The following RBFOX1 variants were observed in gnomAD, a reference collection of about 807,000 sequenced individuals.
RBFOX1 encodes RNA binding protein fox-1 homolog 1.
A neutral mutation model predicts 57.7 loss-of-function variants in RBFOX1; 8 were observed. The ratio of observed to expected loss-of-function variants is 0.14; its 90% CI spans 0.08 to 0.25. The LOEUF (loss-of-function observed/expected upper bound fraction) is 0.25, where lower values mean the gene tolerates loss of function less well. Among genes scored for constraint, RBFOX1 ranks in the 10% least tolerant of loss-of-function variants. The probability of loss-of-function intolerance (pLI) is 1.00; values close to 1 mark genes in which losing one functional copy is unlikely to be tolerated. For missense variants in RBFOX1, 611 were observed against 548.5 expected, an observed-to-expected ratio of 1.11 and a Z score of -1.14; for synonymous variants, 326 against 222.4, an observed-to-expected ratio of 1.47 and a Z score of -4.15.
intron 3 of RBFOX1, among the ~76,000 whole-genome samples, chr16:6,674,815 C>T (rs1053386877): frequency 2.0e-5 from 3 of 152,260 alleles, no homozygotes; most frequent in African/African-American, 7.2e-5. Context: ...GAAAACAAGA[C>T]CCTATTAGGA....
intron 2 of RBFOX1, among the ~76,000 whole-genome samples, chr16:6,460,803 T>G (rs2094899783): frequency 7.1e-6 from 1 of 140,130 alleles, no homozygotes; most frequent in African/African-American, 2.7e-5. Context: ...ACGTATATGT[T>G]AATAGAAGCA....
At chr16:5,679,439 A>G (rs2050263321) in intron 3 of RBFOX1, among the ~76,000 whole-genome samples, 1 of 151,898 alleles carries the variant, frequency 6.6e-6, no homozygotes, top group African/African-American at 2.4e-5. Flanking sequence ...GCACCTATCA[A>G]CCCATCATCT....
intron 4 of RBFOX1, among the ~76,000 whole-genome samples, chr16:7,344,963 G>C (rs2096966811): frequency 6.6e-6 from 1 of 152,206 alleles, no homozygotes; most frequent in African/African-American, 2.4e-5. Flanking sequence ...ACAGCGGGCT[G>C]TCAGGAGGCC....
In RBFOX1 at chr16:5,258,032, C is replaced by T. The variant is rs28574735; in HGVS notation, c.219+17927C>T. 1.2e-3 allele frequency among the ~76,000 whole-genome samples: 183 copies of T among 152,178 alleles called. 1 individual carries two copies. The highest frequency in any genetic ancestry group is 4.2e-3 in the African/African-American group (175 of 41,510). ...TAGCTGGGACTGCGGGTGCACACCA[C>T]CTTGCCTGACTAATTTGTCTATTTT... On this transcript the variant is annotated intron_variant, in intron 1 of 2. Coordinates refer to the RBFOX1 transcript ENST00000585867.
At chr16:7,432,843 G>A (rs1008071675) in intron 4 of RBFOX1, among the ~76,000 whole-genome samples, 1 of 152,148 alleles carries the variant, frequency 6.6e-6, no homozygotes, top group Non-Finnish European at 1.5e-5. Context: ...TTCCCAGCTT[G>A]TGAATTTGCA....
At chr16:7,167,033 T>C (rs2079697143) in intron 4 of RBFOX1, among the ~76,000 whole-genome samples, 1 of 129,072 alleles carries the variant, frequency 7.7e-6, no homozygotes, top group African/African-American at 2.9e-5. Context: ...TCGCCCAGGT[T>C]GGAGTGCAGT....
At chr16:7,099,052 C>T (rs2062191167) in intron 4 of RBFOX1, among the ~76,000 whole-genome samples, 1 of 152,148 alleles carries the variant, frequency 6.6e-6, no homozygotes, top group Non-Finnish European at 1.5e-5. Flanking sequence ...CACAAACTAT[C>T]CTTGCATAGT....
intron 3 of RBFOX1, among the ~76,000 whole-genome samples, chr16:6,882,529 G>C (rs949574085): frequency 6.6e-6 from 1 of 152,078 alleles, no homozygotes; most frequent in African/African-American, 2.4e-5. Context: ...AGGAGGCAGG[G>C]AGGTTGCAGT....
chr16:5,868,331 T>C (rs570416762), intron 4 of RBFOX1, among the ~76,000 whole-genome samples: 74 of 152,180 alleles, frequency 4.9e-4, no homozygotes, highest in Non-Finnish European at 9.7e-4. Flanking sequence ...ATCCTACTGC[T>C]CAATGAGGTC....
intron 3 of RBFOX1, among the ~76,000 whole-genome samples, chr16:6,733,961 G>T (rs182000495): frequency 1.3e-5 from 2 of 152,090 alleles, no homozygotes; most frequent in Non-Finnish European, 2.9e-5. Flanking sequence ...ATCTTTAAGG[G>T]TTGCCATAAA....
intron 6 of RBFOX1, among the ~76,000 whole-genome samples, chr16:7,581,040 T>C (rs2093721245): frequency 6.6e-6 from 1 of 152,208 alleles, no homozygotes; most frequent in South Asian, 2.1e-4. Context: ...TCTTGTTCAC[T>C]ACTCAAAGGC....
chr16:5,937,736 T>C (rs891702182), intron 4 of RBFOX1, among the ~76,000 whole-genome samples: 2 of 149,412 alleles, frequency 1.3e-5, no homozygotes, highest in African/African-American at 2.4e-5. Context: ...CATATCTCCA[T>C]ATAACTATAA....
chr16:5,754,398 G>A (rs1377033699), intron 3 of RBFOX1, among the ~76,000 whole-genome samples: 1 of 152,040 alleles, frequency 6.6e-6, no homozygotes, highest in East Asian at 1.9e-4. Flanking sequence ...TGTGGGGGTG[G>A]GTTGCCCCTA....
intron 4 of RBFOX1, among the ~76,000 whole-genome samples, chr16:7,199,438 G>C (rs2087701109): frequency 6.6e-6 from 1 of 152,256 alleles, no homozygotes; most frequent in Admixed American, 6.5e-5. Flanking sequence ...AATGTCTTTG[G>C]AAATGAATGA....
chr16:6,926,034 C>A (rs965371242), intron 3 of RBFOX1, among the ~76,000 whole-genome samples: 2 of 152,078 alleles, frequency 1.3e-5, no homozygotes, highest in Non-Finnish European at 2.9e-5. Flanking sequence ...GCTGGCTGGG[C>A]TTGGTGGCTC....
chr16:6,917,490 A>G (rs1308840983), intron 3 of RBFOX1, among the ~76,000 whole-genome samples: 1 of 152,212 alleles, frequency 6.6e-6, no homozygotes, highest in Non-Finnish European at 1.5e-5. Context: ...TTTAAACCTG[A>G]AAGGAAGAGA....
At chr16:7,373,742 C>G (rs1377003523) in intron 4 of RBFOX1, among the ~76,000 whole-genome samples, 3 of 152,198 alleles carry the variant, frequency 2.0e-5, no homozygotes, top group African/African-American at 4.8e-5. Flanking sequence ...AGGGGCCCAG[C>G]TCTTTGCGCT....
chr16:6,879,888 A>C (rs992596795), intron 3 of RBFOX1, among the ~76,000 whole-genome samples: 3 of 152,244 alleles, frequency 2.0e-5, no homozygotes, highest in African/African-American at 7.2e-5. Flanking sequence ...CTTGCCTCAC[A>C]GTTAAATCTG....
At chr16:5,286,265 G>A (rs2063392580) in intron 1 of RBFOX1, among the ~76,000 whole-genome samples, 1 of 152,174 alleles carries the variant, frequency 6.6e-6, no homozygotes, top group Non-Finnish European at 1.5e-5. Context: ...GGCTTCTTTG[G>A]TTGCTGGCAG....
Sources: gnomAD v4.1 joint callset for allele counts (sites outside exome capture counted in the v4.1 genomes callset) on GRCh38, gnomAD v4.1.1 for gene constraint, MANE v1.5 for transcripts, NCBI Gene and HGNC (gene_info 2026-07-23, HGNC 2026-07-21) for gene names.